Variants in ATP8A2 observed in about 807,000 individuals in gnomAD.
ATP8A2 encodes the protein ATPase phospholipid transporting 8A2.
A neutral mutation model predicts 165.6 loss-of-function variants in ATP8A2; 100 were observed. The ratio of observed to expected loss-of-function variants is 0.60; its 90% CI spans 0.51 to 0.71. The LOEUF (loss-of-function observed/expected upper bound fraction) is 0.71, where lower values mean the gene tolerates loss of function less well. ATP8A2 is among the 30% of genes least tolerant of loss of function. The probability of loss-of-function intolerance (pLI) is 0.00; values close to 1 mark genes in which losing one functional copy is unlikely to be tolerated. For synonymous variants in ATP8A2, 543 were observed against 548.8 expected (o/e 0.99, Z 0.15); for missense variants, 1,227 against 1,479.5 (o/e 0.83, Z 2.80).
chr13:25,998,292 G>A (rs1408946594), intron 35 of ATP8A2, among the ~76,000 whole-genome samples: 1 of 152,182 alleles, frequency 6.6e-6, no homozygotes, highest in Non-Finnish European at 1.5e-5. Context: ...CTTATTGGCT[G>A]GCAGGGATGA....
At chr13:25,473,351 C>T (rs947279514) in intron 2 of ATP8A2, among the ~76,000 whole-genome samples, 1 of 152,128 alleles carries the variant, frequency 6.6e-6, no homozygotes, top group Non-Finnish European at 1.5e-5. Context: ...TCTTTTTCTA[C>T]TAGGGATTGA....
intron 33 of ATP8A2, among the ~76,000 whole-genome samples, chr13:25,917,918 T>G (rs1397027543): frequency 6.6e-6 from 1 of 152,232 alleles, no homozygotes; most frequent in Admixed American, 6.5e-5. Context: ...AAACCTTATT[T>G]AATTCTAAAA....
chr13:25,556,042 CAT>C (rs1290520786), intron 13 of ATP8A2, among the ~76,000 whole-genome samples: 1 of 152,096 alleles, frequency 6.6e-6, no homozygotes, highest in Non-Finnish European at 1.5e-5. Flanking sequence ...AGGTTGAGTC[CAT>C]GTCTTTGCTA....
At chr13:25,951,981 C>G (rs943811004) in intron 33 of ATP8A2, among the ~76,000 whole-genome samples, 3 of 152,130 alleles carry the variant, frequency 2.0e-5, no homozygotes, top group African/African-American at 7.2e-5. Context: ...GTTTACATCT[C>G]CTTTGTGCAG....
At chr13:25,787,669 A>T (rs1383071203) in intron 27 of ATP8A2, among the ~76,000 whole-genome samples, 1 of 152,234 alleles carries the variant, frequency 6.6e-6, no homozygotes, top group Non-Finnish European at 1.5e-5. Context: ...AAAGTCAAGC[A>T]AAAACTTGGC....
chr13:25,950,002 G>A lies in ATP8A2; in HGVS notation c.3184-11573G>A, dbSNP rs1955310132. On this transcript the variant is annotated intron_variant, in intron 33 of 36. Coordinates refer to ENST00000381655, the MANE Select transcript of ATP8A2 (RefSeq NM_016529.6). ...TTTAGTAGGGACAGGGTTTCACCAT[G>A]TTGGCCAGGCTGATCTCGAACTCTT... Among the ~76,000 whole-genome samples, 3 of 152,216 alleles carry A rather than the reference G, an allele frequency of 2.0e-5. No individual in the cohort carries two copies. The South Asian group carries it at 6.2e-4, about 32-fold the overall frequency.
At chr13:25,919,932 A>C (rs1314000348) in intron 33 of ATP8A2, among the ~76,000 whole-genome samples, 1 of 151,876 alleles carries the variant, frequency 6.6e-6, no homozygotes, top group Non-Finnish European at 1.5e-5. Context: ...GACCACAGAC[A>C]TGTACTACAA....
chr13:25,667,355 G>A (rs951366843), intron 24 of ATP8A2, among the ~76,000 whole-genome samples: 8 of 152,262 alleles, frequency 5.3e-5, no homozygotes, highest in Admixed American at 1.3e-4. Flanking sequence ...TACGGGAGTG[G>A]ATCCTTCATG....
intron 33 of ATP8A2, among the ~76,000 whole-genome samples, chr13:25,924,586 A>G (rs1297016684): frequency 6.6e-6 from 1 of 151,930 alleles, no homozygotes; most frequent in Non-Finnish European, 1.5e-5. Flanking sequence ...CAATGACCCT[A>G]TTTCCAAATA....
chr13:25,862,018 G>T (rs879914964), intron 32 of ATP8A2, among the ~76,000 whole-genome samples: 16 of 152,096 alleles, frequency 1.1e-4, no homozygotes, highest in Non-Finnish European at 2.1e-4. Context: ...AACTGAGAGG[G>T]GCCCGCTGTT....
chr13:25,714,873 G>C (rs901119147), intron 25 of ATP8A2, among the ~76,000 whole-genome samples: 2 of 152,162 alleles, frequency 1.3e-5, no homozygotes, highest in African/African-American at 2.4e-5. Flanking sequence ...CCATGTAAGA[G>C]AATGCAAAAG....
intron 33 of ATP8A2, among the ~76,000 whole-genome samples, chr13:25,932,632 T>G (rs1009760550): frequency 5.3e-5 from 8 of 152,206 alleles, no homozygotes. Flanking sequence ...GGAACTGTTT[T>G]GATGCTTCAA....
intron 25 of ATP8A2, among the ~76,000 whole-genome samples, chr13:25,758,251 C>T (rs1242319837): frequency 6.6e-6 from 1 of 151,982 alleles, no homozygotes; most frequent in Non-Finnish European, 1.5e-5. Context: ...GAAATGGAAA[C>T]AATTGAGGAG....
chr13:25,555,156 A>T lies in ATP8A2; in HGVS notation c.1263+88A>T, dbSNP rs2038943725. On this transcript the variant is annotated intron_variant, in intron 13 of 36. Transcript: ENST00000381655. ...CAGAAGAACCATGGAAAGATTTTGC[A>T]AAAATACTTCTCCATGAACATGGCT... 16 of 926,384 alleles carry T rather than the reference A, an allele frequency of 1.7e-5. No individual in the cohort carries two copies. In the South Asian group the frequency reaches 2.1e-4, roughly 12 times the overall value. The allele number at this position is 926,384 out of a possible 1,614,324, so 57.4% of individuals were successfully genotyped here.
At chr13:25,684,084 C>T (rs1011542600) in intron 24 of ATP8A2, among the ~76,000 whole-genome samples, 2 of 152,110 alleles carry the variant, frequency 1.3e-5, no homozygotes, top group African/African-American at 4.8e-5. Flanking sequence ...AAATTTCTAA[C>T]GAATAAGATA....
chr13:25,805,896 G>A (rs1201531688), intron 27 of ATP8A2, among the ~76,000 whole-genome samples: 1 of 151,980 alleles, frequency 6.6e-6, no homozygotes, highest in Non-Finnish European at 1.5e-5. Flanking sequence ...TTCATGGTAG[G>A]TATATCCAGT....
chr13:25,862,061 G>C (rs1015350336), intron 32 of ATP8A2, among the ~76,000 whole-genome samples: 4 of 152,190 alleles, frequency 2.6e-5, no homozygotes, highest in African/African-American at 7.2e-5. Flanking sequence ...AAGGTCACCT[G>C]TGACAGCAAA....
intron 24 of ATP8A2, among the ~76,000 whole-genome samples, chr13:25,688,983 C>A (rs1406582800): frequency 6.6e-6 from 1 of 152,232 alleles, no homozygotes; most frequent in Admixed American, 6.5e-5. Context: ...AAATTTGTCA[C>A]TGTTTTCATT....
At chr13:25,826,651 C>T (rs148930934) in intron 27 of ATP8A2, among the ~76,000 whole-genome samples, 91 of 152,302 alleles carry the variant, frequency 6.0e-4, no homozygotes, top group Middle Eastern at 3.4e-3. Flanking sequence ...ACCACAGCAG[C>T]GGTCTCTGTC....
Sources: gnomAD v4.1 joint callset for allele counts (sites outside exome capture counted in the v4.1 genomes callset) on GRCh38, gnomAD v4.1.1 for gene constraint, MANE v1.5 for transcripts, NCBI Gene and HGNC (gene_info 2026-07-23, HGNC 2026-07-21) for gene names.